Variants in ZMYM1 observed in about 807,000 individuals in gnomAD.
ZMYM1 encodes the protein zinc finger MYM-type containing 1, also known as zinc finger MYM-type protein 1.
ZMYM1 carries 39 observed loss-of-function variants against 60.0 expected under a neutral mutation model. That is an observed-to-expected ratio of 0.65 (90% CI 0.50 to 0.85). The LOEUF (loss-of-function observed/expected upper bound fraction) is 0.85. Ranked by LOEUF, ZMYM1 falls within the 40% of genes least tolerant of loss-of-function variation. The pLI, the probability that ZMYM1 is intolerant of heterozygous loss-of-function variation, is 0.00. For synonymous variants in ZMYM1, 413 were observed against 454.0 expected (o/e 0.91, Z 1.15); for missense variants, 1,171 against 1,309.5 (o/e 0.89, Z 1.63).
At chr1:35,094,647 G>C (rs1643211775) in intron 2 of ZMYM1, among the ~76,000 whole-genome samples, 1 of 152,136 alleles carries the variant, frequency 6.6e-6, no homozygotes, top group African/African-American at 2.4e-5. Context: ...CTGAGCCCAA[G>C]AGTTTGAGAC....
chr1:35,113,555 CCAGT>C lies in ZMYM1; in HGVS notation c.1730_1733del (p.Ser577PhefsTer4), dbSNP rs1644168606. The C allele has an allele frequency of 6.2e-7, 1 of 1,613,222 alleles. No homozygotes were observed. The highest frequency in any genetic ancestry group is 8.5e-7 in the Non-Finnish European group (1 of 1,179,784). The stretch of plus-strand genomic sequence containing the variant: ...AGTGTTTACCCTTAAGAGGAAACGA[CCAGT>C]CAGTTTCATCTGTGAATAAAGGCAA... On this transcript the variant is annotated frameshift_variant, in exon 10 of 10. Transcript: ENST00000359858. LOFTEE classifies it high-confidence loss of function.
intron 1 of ZMYM1, among the ~76,000 whole-genome samples, chr1:35,069,746 T>C (rs1642036418): frequency 6.6e-6 from 1 of 152,212 alleles, no homozygotes; most frequent in Non-Finnish European, 1.5e-5. Context: ...TTTAATTCAT[T>C]TTGAATTGAA....
At chr1:35,105,327 T>C (rs1397802049) in intron 6 of ZMYM1, among the ~76,000 whole-genome samples, 1 of 151,594 alleles carries the variant, frequency 6.6e-6, no homozygotes, top group African/African-American at 2.4e-5. Context: ...TAAGTAGAGA[T>C]GGGGTTTCAC....
chr1:35,073,376 A>AGGAAGGAAGGAAGGAG, intron 1 of ZMYM1, among the ~76,000 whole-genome samples: 1 of 79,810 alleles, frequency 1.3e-5, no homozygotes, highest in Non-Finnish European at 3.0e-5. Context: ...GAAGGAAGGA[A>AGGAAGGAAGGAAGGAG]AGAAAGGAAA....
intron 1 of ZMYM1, among the ~76,000 whole-genome samples, chr1:35,082,271 GA>G (rs1362564749): frequency 1.4e-5 from 2 of 146,100 alleles, no homozygotes; most frequent in Non-Finnish European, 3.0e-5. Context: ...TGAGTTGGGG[GA>G]GGTTCCTTAG....
upstream of ZMYM1, among the ~76,000 whole-genome samples, chr1:35,076,593 C>G (rs1056749901): frequency 1.3e-5 from 2 of 151,890 alleles, no homozygotes; most frequent in Non-Finnish European, 2.9e-5. Flanking sequence ...TGCACTCCAG[C>G]CTGGCAACAA....
chr1:35,114,662 A>G lies in ZMYM1; in HGVS notation c.2832A>G (p.Ser944=), dbSNP rs1308244265. Residue 944 remains serine, a synonymous_variant, in exon 10 of 10, where the codon TCA becomes TCG. Transcript: ENST00000359858. The part of the protein sequence containing the change: ...SLQKRRKIQK[S]VDLGNSDNMF... ...AGAAAAGAAGAAAAATTCAGAAATC[A>G]GTAGATCTTGGCAATTCAGATAATA... 1 of 1,596,050 alleles carries G rather than the reference A, an allele frequency of 6.3e-7. No homozygotes were observed. Among genetic ancestry groups the G allele is most frequent in the Non-Finnish European group, 8.5e-7 (1 of 1,175,386 alleles).
chr1:35,104,072 A>G (rs897344116), intron 4 of ZMYM1, among the ~76,000 whole-genome samples: 4 of 152,220 alleles, frequency 2.6e-5, no homozygotes, highest in African/African-American at 9.6e-5. Context: ...CCTATCTCTT[A>G]AAAAACAAAA....
intron 1 of ZMYM1, among the ~76,000 whole-genome samples, chr1:35,086,659 C>A (rs972251072): frequency 6.6e-6 from 1 of 151,864 alleles, no homozygotes; most frequent in African/African-American, 2.4e-5. Flanking sequence ...AAATCTCATG[C>A]AATTTTTTTT....
chr1:35,104,806 G>A (rs1272993711), intron 6 of ZMYM1, 37 bp downstream of exon 6: 2 of 1,552,792 alleles, frequency 1.3e-6, no homozygotes, highest in Middle Eastern at 1.7e-4. Context: ...CTATTAACTG[G>A]CCTATGAATG....
chr1:35,078,419 T>G (rs1642208997), upstream of ZMYM1, among the ~76,000 whole-genome samples: 1 of 152,112 alleles, frequency 6.6e-6, no homozygotes, highest in African/African-American at 2.4e-5. Context: ...TAGAATCCTC[T>G]TATGCCTTTA....
At chr1:35,111,355 A>G (rs1489215563) in intron 7 of ZMYM1, among the ~76,000 whole-genome samples, 4 of 152,182 alleles carry the variant, frequency 2.6e-5, no homozygotes, top group Non-Finnish European at 5.9e-5. Flanking sequence ...AATTTCTGCA[A>G]TAGTGGCTTG....
intron 9 of ZMYM1, 32 bp from the exon 10 acceptor site, chr1:35,112,944 TG>T: frequency 6.8e-7 from 1 of 1,475,376 alleles, no homozygotes; most frequent in African/African-American, 1.4e-5. Context: ...TTTTGAAAAC[TG>T]TTAAATGTTC....
chr1:35,104,900 C>T (rs943935403), intron 6 of ZMYM1, 131 bp downstream of exon 6: 8 of 654,112 alleles, frequency 1.2e-5, no homozygotes, highest in Non-Finnish European at 1.8e-5. Context: ...AAATAGAAGG[C>T]TTTTAACGGT....
chr1:35,099,940 G>C (rs1417557745), intron 4 of ZMYM1, among the ~76,000 whole-genome samples: 1 of 152,120 alleles, frequency 6.6e-6, no homozygotes, highest in Non-Finnish European at 1.5e-5. Flanking sequence ...ACCCAGGCCA[G>C]AGTGCAATGG....
chr1:35,117,130 C>CTTT (rs34976466), downstream of ZMYM1, among the ~76,000 whole-genome samples: 6 of 143,948 alleles, frequency 4.2e-5, no homozygotes, highest in East Asian at 2.1e-4. Context: ...CGCGCCCGGC[C>CTTT]TTTTTTTTTT....
intron 4 of ZMYM1, among the ~76,000 whole-genome samples, chr1:35,100,404 T>C (rs561368091): frequency 6.6e-6 from 1 of 151,652 alleles, no homozygotes; most frequent in Non-Finnish European, 1.5e-5. Context: ...GGAGAATCAC[T>C]GGAGGTCAGG....
chr1:35,061,360 A>AT (rs1356047595), intron 1 of ZMYM1, among the ~76,000 whole-genome samples: 3 of 152,222 alleles, frequency 2.0e-5, no homozygotes, highest in Non-Finnish European at 2.9e-5. Flanking sequence ...ATATTAGGGG[A>AT]TTTTGTTTCA....
chr1:35,085,134 G>A (rs887905943), intron 1 of ZMYM1, among the ~76,000 whole-genome samples: 3 of 151,826 alleles, frequency 2.0e-5, no homozygotes, highest in East Asian at 3.9e-4. Flanking sequence ...TGCAAGCTCC[G>A]CCTCCTGGGT....
Sources: allele counts gnomAD v4.1 joint callset (sites outside exome capture counted in the v4.1 genomes callset), GRCh38; gene constraint gnomAD v4.1.1; transcripts MANE v1.5; gene names NCBI Gene and HGNC (gene_info 2026-07-23, HGNC 2026-07-21).